The following RAP1GAP2 variants were observed in gnomAD, a reference collection of about 807,000 sequenced individuals.
The protein encoded by RAP1GAP2 is RAP1 GTPase activating protein 2.
RAP1GAP2 carries 27 observed loss-of-function variants against 95.0 expected under a neutral mutation model. The observed-to-expected ratio is 0.28, with a 90% CI of 0.21 to 0.39. The LOEUF (loss-of-function observed/expected upper bound fraction) is 0.39. Ranked by LOEUF, RAP1GAP2 falls within the 10% of genes least tolerant of loss-of-function variation. The pLI is 1.00. For missense variants in RAP1GAP2, 771 were observed against 970.0 expected (o/e 0.79, Z 2.72); for synonymous variants, 373 against 380.9 (o/e 0.98, Z 0.24).
intron 2 of RAP1GAP2, among the ~76,000 whole-genome samples, chr17:2,846,523 G>A (rs2071596437): frequency 6.6e-6 from 1 of 152,088 alleles, no homozygotes; most frequent in South Asian, 2.1e-4. Flanking sequence ...TGATTCTCCT[G>A]CCTTAGCCTC....
chr17:3,002,573 T>C (rs2046198487), intron 14 of RAP1GAP2, among the ~76,000 whole-genome samples: 1 of 152,192 alleles, frequency 6.6e-6, no homozygotes, highest in African/African-American at 2.4e-5. Flanking sequence ...AGCTGGCCCC[T>C]GCAGGCTCAG....
In RAP1GAP2 at chr17:2,875,461, G is replaced by C. The variant is rs561319790; in HGVS notation, c.81-29823G>C. 3.3e-5 allele frequency among the ~76,000 whole-genome samples: 5 copies of C among 152,268 alleles called. No individual in the cohort carries two copies. The South Asian group carries it at 1.0e-3, about 32-fold the overall frequency. On this transcript the variant is annotated intron_variant, in intron 2 of 24. Transcript: ENST00000254695. ...ACTGGTTACAGGGGTAACATTGGCTGTGCGTTGTTGAGCTCTAGGGTCTGA... is the reference window on the plus strand; with the variant it reads ...ACTGGTTACAGGGGTAACATTGGCTCTGCGTTGTTGAGCTCTAGGGTCTGA...
intron 2 of RAP1GAP2, among the ~76,000 whole-genome samples, chr17:2,863,540 C>T (rs1283083540): frequency 3.9e-5 from 6 of 152,146 alleles, no homozygotes; most frequent in African/African-American, 1.4e-4. Context: ...GGATGAGAGC[C>T]ACCTCCTCCC....
chr17:3,000,198 C>G (rs2151591220), intron 14 of RAP1GAP2, among the ~76,000 whole-genome samples: 1 of 152,386 alleles, frequency 6.6e-6, no homozygotes, highest in Non-Finnish European at 1.5e-5. Context: ...ATCTGCCTGC[C>G]TCTGCCTCCC....
At chr17:2,949,673 G>GCC (rs199777272) in intron 3 of RAP1GAP2, among the ~76,000 whole-genome samples, 16,728 of 54,316 alleles carry the variant, frequency 0.31, 1,019 homozygotes, top group Non-Finnish European at 0.51. Context: ...CCTTCTGTGT[G>GCC]CCCTGAGCGT....
At chr17:2,880,468 T>A (rs906163134) in intron 2 of RAP1GAP2, among the ~76,000 whole-genome samples, 3 of 151,212 alleles carry the variant, frequency 2.0e-5, no homozygotes, top group Non-Finnish European at 2.9e-5. Context: ...TTTTTTTTTT[T>A]ATTGTGGTAA....
chr17:2,861,991 T>A (rs1309010978), intron 2 of RAP1GAP2, among the ~76,000 whole-genome samples: 1 of 152,202 alleles, frequency 6.6e-6, no homozygotes, highest in Non-Finnish European at 1.5e-5. Flanking sequence ...GCCCTTTCTT[T>A]TGTCTGAGAT....
chr17:2,984,280 G>A (rs1209758643), intron 10 of RAP1GAP2, among the ~76,000 whole-genome samples: 4 of 152,122 alleles, frequency 2.6e-5, no homozygotes, highest in African/African-American at 2.4e-5. Context: ...CCCGGGAGGC[G>A]GAGGTTGCAG....
At chr17:2,952,986 A>G (rs761434431) in intron 3 of RAP1GAP2, among the ~76,000 whole-genome samples, 17 of 151,456 alleles carry the variant, frequency 1.1e-4, no homozygotes, top group Non-Finnish European at 2.2e-4. Context: ...TGTTATTTTT[A>G]GTAGAGACAG....
intron 8 of RAP1GAP2, among the ~76,000 whole-genome samples, chr17:2,975,762 C>G (rs957841928): frequency 2.0e-5 from 3 of 152,266 alleles, no homozygotes; most frequent in African/African-American, 7.2e-5. Context: ...CCCGCACTGC[C>G]TGTGACTGGG....
intron 24 of RAP1GAP2, among the ~76,000 whole-genome samples, chr17:3,032,787 C>T (rs1395728749): frequency 2.0e-5 from 3 of 152,198 alleles, no homozygotes; most frequent in Non-Finnish European, 2.9e-5. Context: ...CCCTTGCTCC[C>T]CTGCCCTCAG....
At chr17:2,928,458 C>T (rs1162857218) in intron 3 of RAP1GAP2, among the ~76,000 whole-genome samples, 1 of 151,984 alleles carries the variant, frequency 6.6e-6, no homozygotes, top group Admixed American at 6.6e-5. Flanking sequence ...TGTCCGGGGT[C>T]GCCTGGGGGT....
Position 2,949,609 on chromosome 17 carries a change from A to G in RAP1GAP2, c.166-8150A>G, listed in dbSNP as rs550205654. Among the ~76,000 whole-genome samples, 526 of 143,614 alleles carry G rather than the reference A, an allele frequency of 3.7e-3. 1 individual carries two copies. The highest frequency in any genetic ancestry group is 0.013 in the African/African-American group (497 of 37,834). The allele number at this position is 143,614 out of a possible 152,430, so 94.2% of individuals were successfully genotyped here. A position where few individuals can be genotyped will look rare whatever the true frequency, so the allele number is the denominator to read the frequency against. On this transcript the variant is annotated intron_variant, in intron 3 of 24. Coordinates refer to ENST00000254695, the MANE Select transcript of RAP1GAP2 (RefSeq NM_015085.5). ...TGAGCATTAACTCAGTGCCTGCTGT[A>G]TGCCCTGAGCATTAACTCAGTGCCT...
chr17:3,024,704 A>G (rs754518603), intron 19 of RAP1GAP2, among the ~76,000 whole-genome samples: 1 of 152,278 alleles, frequency 6.6e-6, no homozygotes, highest in African/African-American at 2.4e-5. Flanking sequence ...AGCGCCATCT[A>G]TCCATAAAAT....
At position 2,994,906 on chromosome 17, in the gene RAP1GAP2, T is replaced by C. The variant is rs185188563; in HGVS notation, c.915-431T>C. 6.7e-3 allele frequency among the ~76,000 whole-genome samples: 1,017 copies of C among 152,254 alleles called. 18 individuals carry two copies. Among genetic ancestry groups the C allele is most frequent in the African/African-American group, 0.023 (965 of 41,560 alleles). Reference sequence around the variant, plus strand: ...TCGGCTCACTGCAACCTCCACCTCCTGGGTTCAAGCGATTCTCCTGCTTCA... The same window carrying C: ...TCGGCTCACTGCAACCTCCACCTCCCGGGTTCAAGCGATTCTCCTGCTTCA... On this transcript the variant is annotated intron_variant, in intron 12 of 24. Transcript: ENST00000254695.
chr17:3,008,810 C>T lies in RAP1GAP2; in HGVS notation c.1494+665C>T, dbSNP rs561373805. Among the ~76,000 whole-genome samples the T allele has an allele frequency of 5.3e-5, 8 of 152,282 alleles. No homozygotes were observed. The highest frequency in any genetic ancestry group is 2.1e-4 in the South Asian group (1 of 4,830). On this transcript the variant is annotated intron_variant, in intron 17 of 24. Transcript: ENST00000254695. The surrounding 1 kb of genome is among the most constrained non-coding windows in gnomAD (Gnocchi z 4.2). ...TGAGTGCTTGTTGGTCCACGCAGCA[C>T]GTAGACCCAGCATCTGGCTCGAGCC... is the stretch of plus-strand genomic sequence containing the variant.
At position 3,031,837 on chromosome 17, in the gene RAP1GAP2, T is replaced by G. The variant is rs1240335984; in HGVS notation, c.2185-574T>G. 2.8e-5 allele frequency among the ~76,000 whole-genome samples: 4 copies of G among 142,552 alleles called. 1 individual carries two copies. The East Asian group carries it at 9.8e-4, about 35-fold the overall frequency. 93.5% of individuals were successfully genotyped at this position (142,552 alleles called of 152,430 possible). A position where few individuals can be genotyped will look rare whatever the true frequency, so the allele number is the denominator to read the frequency against. ...TGGGTCCCCCAGTCCCTTCCTGAGC[T>G]CTCCAGACTATCGAGAGCTCCAGGT... On this transcript the variant is annotated intron_variant, in intron 23 of 24. Coordinates refer to ENST00000254695, the MANE Select transcript of RAP1GAP2 (RefSeq NM_015085.5).
chr17:2,864,083 G>C (rs775596259), intron 2 of RAP1GAP2, among the ~76,000 whole-genome samples: 2 of 84,572 alleles, frequency 2.4e-5, no homozygotes, highest in East Asian at 7.2e-4. Context: ...GGCGGCGGGA[G>C]CCCCCGGTTC....
At chr17:2,942,834 A>C (rs1237039352) in intron 3 of RAP1GAP2, among the ~76,000 whole-genome samples, 3 of 151,954 alleles carry the variant, frequency 2.0e-5, no homozygotes, top group South Asian at 4.2e-4. Context: ...GTGGTGTGAT[A>C]TTGGCTCACT....
Sources: gnomAD v4.1 joint callset for allele counts (sites outside exome capture counted in the v4.1 genomes callset) on GRCh38, gnomAD v4.1.1 for gene constraint, Gnocchi (gnomAD v3.1) non-coding constraint, MANE v1.5 for transcripts, NCBI Gene and HGNC (gene_info 2026-07-23, HGNC 2026-07-21) for gene names.